Variants in HDAC4 observed in about 807,000 individuals in gnomAD.
The protein encoded by HDAC4 is histone deacetylase A.
Under a neutral mutation model 135.1 loss-of-function variants are expected in HDAC4, and 16 were observed. The ratio of observed to expected loss-of-function variants is 0.12; its 90% CI spans 0.08 to 0.18. The LOEUF (loss-of-function observed/expected upper bound fraction) is 0.18. HDAC4 is among the 10% of genes least tolerant of loss of function. HDAC4 has a pLI of 1.00. For missense variants in HDAC4, 1,143 were observed against 1,511.8 expected, an observed-to-expected ratio of 0.76 and a Z score of 4.05; for synonymous variants, 685 against 653.4, an observed-to-expected ratio of 1.05 and a Z score of -0.74.
At chr2:239,109,835 A>G (rs2038507769) in intron 14 of HDAC4, among the ~76,000 whole-genome samples, 2 of 152,204 alleles carry the variant, frequency 1.3e-5, no homozygotes, top group Admixed American at 1.3e-4. Flanking sequence ...CCTACAGTGG[A>G]ATCATCATGA....
chr2:239,129,221 C>T (rs1420736752), intron 11 of HDAC4, among the ~76,000 whole-genome samples: 2 of 152,170 alleles, frequency 1.3e-5, no homozygotes, highest in Admixed American at 6.5e-5. Context: ...GACACCCTAC[C>T]CCTGGGTATC....
intron 20 of HDAC4, among the ~76,000 whole-genome samples, chr2:239,082,464 C>T (rs1022507978): frequency 2.6e-5 from 4 of 152,240 alleles, no homozygotes; most frequent in African/African-American, 4.8e-5. Flanking sequence ...CTGTTTCCCT[C>T]GCCCTTAGCG....
intron 19 of HDAC4, among the ~76,000 whole-genome samples, chr2:239,084,752 AC>A (rs1201401044): frequency 7.3e-6 from 1 of 136,978 alleles, no homozygotes; most frequent in Non-Finnish European, 1.6e-5. Context: ...CCCATACACC[AC>A]AGACACACAC....
intron 2 of HDAC4, among the ~76,000 whole-genome samples, chr2:239,276,260 C>A (rs1341316383): frequency 6.6e-6 from 1 of 152,218 alleles, no homozygotes; most frequent in African/African-American, 2.4e-5. Context: ...CGGGTGCGGA[C>A]CCTTGGCAAG....
chr2:239,251,382 T>G (rs1023656272), intron 2 of HDAC4, among the ~76,000 whole-genome samples: 2 of 151,848 alleles, frequency 1.3e-5, no homozygotes, highest in Non-Finnish European at 2.9e-5. Context: ...TTGCTTGAGG[T>G]CAGGAATTCA....
chr2:239,300,046 C>T (rs2052159047), intron 2 of HDAC4, among the ~76,000 whole-genome samples: 1 of 152,176 alleles, frequency 6.6e-6, no homozygotes, highest in Admixed American at 6.5e-5. Context: ...CTCCTTGTGA[C>T]TAAGTGAACT....
chr2:239,311,527 G>C (rs2052877775), intron 2 of HDAC4, among the ~76,000 whole-genome samples: 1 of 152,054 alleles, frequency 6.6e-6, no homozygotes, highest in African/African-American at 2.4e-5. Flanking sequence ...ACAGATTTAC[G>C]ATATAAAACG....
chr2:239,360,569 C>T (rs771947603), intron 1 of HDAC4, among the ~76,000 whole-genome samples: 1 of 152,192 alleles, frequency 6.6e-6, no homozygotes, highest in African/African-American at 2.4e-5. Flanking sequence ...TGAGAGCAAA[C>T]GGGAACATGT....
intron 12 of HDAC4, among the ~76,000 whole-genome samples, chr2:239,123,729 C>T (rs777374041): frequency 3.9e-5 from 6 of 152,180 alleles, no homozygotes; most frequent in Non-Finnish European, 8.8e-5. Flanking sequence ...AAATTGGGAC[C>T]AGGCAGGCAG....
intron 2 of HDAC4, among the ~76,000 whole-genome samples, chr2:239,271,940 TCAC>T (rs2125244850): frequency 6.6e-6 from 1 of 152,200 alleles, no homozygotes; most frequent in East Asian, 1.9e-4. Flanking sequence ...TCAGCAGACA[TCAC>T]AACCTGGCGC....
At chr2:239,078,864 C>A (rs893307403) in intron 22 of HDAC4, among the ~76,000 whole-genome samples, 4 of 152,212 alleles carry the variant, frequency 2.6e-5, no homozygotes, top group Admixed American at 6.5e-5. Flanking sequence ...TCCATCAAAA[C>A]CTGGCCTGGG....
rs184591870 is a variant in HDAC4 at position 239,243,254 on chromosome 2, G to A, written c.23-6590C>T. On this transcript the variant is annotated intron_variant, in intron 2 of 26. Transcript: ENST00000543185. ...TGCAAGCTCCGCCTCCCAGGTTCAC[G>A]CCATTCTCCTGCCTCAGCCTCCCGA... Among the ~76,000 whole-genome samples the A allele has an allele frequency of 2.0e-3, 304 of 151,454 alleles. 2 individuals are homozygous for A. In the Middle Eastern group the frequency reaches 0.037, roughly 19 times the overall value.
chr2:239,170,541 A>G (rs749390136), intron 5 of HDAC4, among the ~76,000 whole-genome samples: 11 of 152,248 alleles, frequency 7.2e-5, no homozygotes, highest in Admixed American at 1.3e-4. Flanking sequence ...CACTCCAGAC[A>G]AAACGAAGAA....
intron 24 of HDAC4, among the ~76,000 whole-genome samples, chr2:239,057,089 T>G (rs1265612910): frequency 6.6e-6 from 1 of 152,178 alleles, no homozygotes; most frequent in Non-Finnish European, 1.5e-5. Flanking sequence ...GAGTTAATAG[T>G]CATGGACCAG....
chr2:239,120,269 G>A (rs2039521485), intron 12 of HDAC4, among the ~76,000 whole-genome samples: 1 of 152,276 alleles, frequency 6.6e-6, no homozygotes, highest in South Asian at 2.1e-4. Flanking sequence ...GAGCTGGGGA[G>A]CTGAAGAAAC....
At chr2:239,374,194 C>T (rs1355186895) in intron 1 of HDAC4, among the ~76,000 whole-genome samples, 1 of 152,124 alleles carries the variant, frequency 6.6e-6, no homozygotes, top group Non-Finnish European at 1.5e-5. Flanking sequence ...AACAAAACTG[C>T]ACAGAGGACC....
intron 17 of HDAC4, chr2:239,093,968 C>T (rs1258313669): frequency 5.3e-5 from 52 of 985,170 alleles, no homozygotes; most frequent in Non-Finnish European, 6.3e-5. Context: ...CTCTTTCTGA[C>T]GGGATAATTT....
chr2:239,275,904 C>A (rs566071786), intron 2 of HDAC4, among the ~76,000 whole-genome samples: 277 of 152,208 alleles, frequency 1.8e-3, no homozygotes, highest in Non-Finnish European at 3.1e-3. Context: ...GCTCCTCTGT[C>A]GCCTGCCTCA....
intron 1 of HDAC4, among the ~76,000 whole-genome samples, chr2:239,373,361 C>T (rs928312994): frequency 4.6e-5 from 7 of 152,146 alleles, no homozygotes; most frequent in Admixed American, 6.5e-5. Flanking sequence ...ATGTCTGCAA[C>T]GACCCCTCTT....
Sources: gnomAD v4.1 joint callset for allele counts (sites outside exome capture counted in the v4.1 genomes callset) on GRCh38, gnomAD v4.1.1 for gene constraint, MANE v1.5 for transcripts, NCBI Gene and HGNC (gene_info 2026-07-23, HGNC 2026-07-21) for gene names.